Variants in KDM6A observed in about 807,000 individuals in gnomAD.
KDM6A encodes the protein lysine-specific demethylase 6A.
In KDM6A, 11 loss-of-function variants were observed where a neutral mutation model predicts 117.6. That is an observed-to-expected ratio of 0.09 (90% CI 0.06 to 0.15). The LOEUF (loss-of-function observed/expected upper bound fraction) is 0.15, where lower values mean the gene tolerates loss of function less well. KDM6A is among the 10% of genes least tolerant of loss of function. The probability of loss-of-function intolerance (pLI) is 1.00; values close to 1 mark genes in which losing one functional copy is unlikely to be tolerated. For synonymous variants in KDM6A, 384 were observed against 396.1 expected, an observed-to-expected ratio of 0.97 and a Z score of 0.36; for missense variants, 799 against 1,077.3, an observed-to-expected ratio of 0.74 and a Z score of 3.62.
Position 45,109,944 on chromosome X carries a change from G to T in KDM6A, c.4162-135G>T, listed in dbSNP as rs772431435. On this transcript the variant is annotated intron_variant, in intron 28 of 29. Coordinates refer to ENST00000611820, the MANE Select transcript of KDM6A (RefSeq NM_001291415.2). ...GTTAAAGATTCTCAAACACAGCCAT[G>T]TTTTTCTTACCACCTACTCTTAACC... 199 of 590,127 alleles carry T rather than the reference G, an allele frequency of 3.4e-4. 1 individual carries two copies. In the African/African-American group the frequency reaches 4.2e-3, roughly 12 times the overall value. 48.6% of individuals were successfully genotyped at this position (590,127 alleles called of 1,213,427 possible).
intron 10 of KDM6A, among the ~76,000 whole-genome samples, chrX:45,057,127 C>T (rs1386640212): frequency 1.8e-5 from 2 of 111,525 alleles, no homozygotes; most frequent in Non-Finnish European, 3.8e-5. Flanking sequence ...TGTGTTTTTA[C>T]AGCCTCTCTT....
At chrX:45,063,333 C>T in intron 16 of KDM6A, 89 bp from the exon 17 acceptor site, 1 of 865,213 alleles carries the variant, frequency 1.2e-6, no homozygotes, top group East Asian at 3.1e-5. Context: ...TCTTCATATT[C>T]ATCTGGGGAT....
chrX:44,958,018 A>G (rs2038436488), intron 2 of KDM6A, among the ~76,000 whole-genome samples: 1 of 111,317 alleles, frequency 9.0e-6, no homozygotes, highest in African/African-American at 3.3e-5. Flanking sequence ...CTAAATGGCT[A>G]CTGTATTGGA....
rs1208205976 is a variant in KDM6A, at chrX:44,873,434, G to C, written c.-118G>C. 2.9e-6 allele frequency: 3 copies of C among 1,035,827 alleles called. No homozygotes were observed. Among genetic ancestry groups the C allele is most frequent in the Non-Finnish European group, 4.0e-6 (3 of 755,219 alleles). 85.4% of individuals were successfully genotyped at this position (1,035,827 alleles called of 1,213,427 possible). ...TTTTTCGTCGCCGCCGCCCGCGGCG[G>C]AGGAGGAGGCGGCGATAAAGTTGGT... On this transcript the variant is annotated 5_prime_UTR_variant, in exon 1 of 30. Transcript: ENST00000611820.
intron 18 of KDM6A, among the ~76,000 whole-genome samples, chrX:45,070,801 A>G (rs754237199): frequency 9.1e-6 from 1 of 109,965 alleles, no homozygotes; most frequent in East Asian, 2.8e-4. Flanking sequence ...CAATTGAGAA[A>G]ACTGGACTGT....
At chrX:45,084,686 G>C (rs1483893326) in intron 24 of KDM6A, among the ~76,000 whole-genome samples, 2 of 110,857 alleles carry the variant, frequency 1.8e-5, no homozygotes, top group African/African-American at 6.6e-5. Context: ...GCAGTGATGT[G>C]ATCATAGCTC....
At chrX:44,893,492 T>C (rs183125729) in intron 2 of KDM6A, among the ~76,000 whole-genome samples, 1,623 of 108,628 alleles carry the variant, frequency 0.015, 19 homozygotes, top group Middle Eastern at 0.024. Flanking sequence ...CCTTAGTGAA[T>C]TCATTTGTTG....
intron 2 of KDM6A, among the ~76,000 whole-genome samples, chrX:44,915,828 C>T (rs1481403959): frequency 9.0e-6 from 1 of 110,936 alleles, no homozygotes; most frequent in Non-Finnish European, 1.9e-5. Flanking sequence ...ATAATGACCC[C>T]AAAACACAAG....
At chrX:44,958,194 T>C (rs1342417497) in intron 2 of KDM6A, among the ~76,000 whole-genome samples, 1 of 108,228 alleles carries the variant, frequency 9.2e-6, no homozygotes, top group Non-Finnish European at 1.9e-5. Context: ...TTTTTTTTTT[T>C]TTTTTGAGGC....
chrX:45,007,821 A>G (rs930508039), intron 4 of KDM6A, among the ~76,000 whole-genome samples: 1 of 112,203 alleles, frequency 8.9e-6, no homozygotes, highest in South Asian at 3.7e-4. Flanking sequence ...TCTGCTAGTT[A>G]GTACCTGTTT....
At chrX:45,078,299 G>A (rs1259234855) in intron 19 of KDM6A, 101 bp from the exon 20 acceptor site, 17 of 811,317 alleles carry the variant, frequency 2.1e-5, no homozygotes, top group East Asian at 1.1e-4. Context: ...CATAAAATGC[G>A]TTATTTAAAT....
Position 44,893,001 on chromosome X carries a change from TAA to T in KDM6A, c.225+19037_225+19038del, listed in dbSNP as rs35013547. The stretch of plus-strand genomic sequence containing the variant: ...CTGGGTGACAGAGTGAGACTCCATC[TAA>T]AAAAAAAAAAAAAAAAAAAAAATAG... On this transcript the variant is annotated intron_variant, in intron 2 of 29. Coordinates refer to ENST00000611820, the MANE Select transcript of KDM6A (RefSeq NM_001291415.2). 8.6e-3 allele frequency among the ~76,000 whole-genome samples: 430 copies of T among 50,211 alleles called. 3 individuals carry two copies. The highest frequency in any genetic ancestry group is 0.032 in the African/African-American group (405 of 12,570). The allele number at this position is 50,211 out of a possible 115,157, so 43.6% of individuals were successfully genotyped here. A position where few individuals can be genotyped will look rare whatever the true frequency, so the allele number is the denominator to read the frequency against.
chrX:45,050,971 G>T (rs1223161389), intron 8 of KDM6A, among the ~76,000 whole-genome samples: 2 of 110,796 alleles, frequency 1.8e-5, no homozygotes, highest in African/African-American at 6.6e-5. Context: ...AACTACTTTT[G>T]TACTTATTTA....
intron 10 of KDM6A, among the ~76,000 whole-genome samples, 198 bp downstream of exon 10, chrX:45,054,153 G>T (rs184877819): frequency 8.9e-6 from 1 of 111,765 alleles, no homozygotes; most frequent in African/African-American, 3.3e-5. Flanking sequence ...GCATAATCTG[G>T]TCTAGCAGGA....
chrX:45,111,588 G>T lies in KDM6A; in HGVS notation c.*177G>T. 2.2e-6 allele frequency: 1 copy of T among 447,303 alleles called. No homozygotes were observed. The highest frequency in any genetic ancestry group is 3.8e-5 in the South Asian group (1 of 25,977). The allele number at this position is 447,303 out of a possible 1,213,427, so 36.9% of individuals were successfully genotyped here. A position where few individuals can be genotyped will look rare whatever the true frequency, so the allele number is the denominator to read the frequency against. On this transcript the variant is annotated 3_prime_UTR_variant, in exon 30 of 30. Coordinates refer to ENST00000611820, the MANE Select transcript of KDM6A (RefSeq NM_001291415.2). ...GGGAGAGAGTACTGCTCCTACTCCA[G>T]GACTCTCACAAAGCTGATGAGCTGT...
In KDM6A at chrX:45,090,483, T is replaced by C. The variant is rs111560218; in HGVS notation, c.3893-240T>C. Among the ~76,000 whole-genome samples the C allele has an allele frequency of 0.028, 3,135 of 111,564 alleles. 118 individuals carry two copies. Among genetic ancestry groups the C allele is most frequent in the African/African-American group, 0.098 (3,009 of 30,647 alleles). On this transcript the variant is annotated intron_variant, in intron 26 of 29. Coordinates refer to ENST00000611820, the MANE Select transcript of KDM6A (RefSeq NM_001291415.2). Reference sequence around the variant, plus strand: ...AAATTAATAAGGTGATGGTGAAGAGTAAATGAGATAATGGGTAAAAATAAA... The same window carrying C: ...AAATTAATAAGGTGATGGTGAAGAGCAAATGAGATAATGGGTAAAAATAAA...
intron 29 of KDM6A, 49 bp from the exon 30 acceptor site, chrX:45,111,333 C>T (rs781700870): frequency 2.0e-6 from 2 of 1,005,245 alleles, no homozygotes; most frequent in East Asian, 6.1e-5. Context: ...TAGCCATGAG[C>T]TATTAACAAT....
At chrX:45,015,174 C>T (rs967870566) in intron 5 of KDM6A, among the ~76,000 whole-genome samples, 1 of 109,944 alleles carries the variant, frequency 9.1e-6, no homozygotes, top group Admixed American at 9.7e-5. Context: ...CAATCACGGC[C>T]CACTGAAGTC....
intron 3 of KDM6A, among the ~76,000 whole-genome samples, chrX:44,961,785 C>A (rs1391760310): frequency 8.9e-6 from 1 of 112,228 alleles, no homozygotes; most frequent in Non-Finnish European, 1.9e-5. Flanking sequence ...AAAATCTGAT[C>A]GTTAAGTAGC....
Sources: gnomAD v4.1 joint callset for allele counts (sites outside exome capture counted in the v4.1 genomes callset) on GRCh38, gnomAD v4.1.1 for gene constraint, MANE v1.5 for transcripts, NCBI Gene and HGNC (gene_info 2026-07-23, HGNC 2026-07-21) for gene names.